Variants in CTNNA3 observed in about 807,000 individuals in gnomAD.
The protein encoded by CTNNA3 is catenin alpha 3.
CTNNA3 carries 76 observed loss-of-function variants against 95.7 expected under a neutral mutation model. The ratio of observed to expected loss-of-function variants is 0.79; its 90% CI spans 0.66 to 0.96. CTNNA3 has a LOEUF of 0.96. Among genes scored for constraint, CTNNA3 ranks in the 40% least tolerant of loss-of-function variants. The probability of loss-of-function intolerance (pLI) is 0.00; values close to 1 mark genes in which losing one functional copy is unlikely to be tolerated. For missense variants in CTNNA3, 1,191 were observed against 1,089.8 expected, an observed-to-expected ratio of 1.09 and a Z score of -1.31; for synonymous variants, 431 against 374.4, an observed-to-expected ratio of 1.15 and a Z score of -1.74.
rs765109408 is a variant in CTNNA3, at chr10:66,360,605, TTCTTTCTTTC to T, written c.1732+18537_1732+18546del. On this transcript the variant is annotated intron_variant, in intron 12 of 17. Transcript: ENST00000433211. ...TCTAATGTATTCTTTCCTTCTTTCT[TTCTTTCTTTC>T]TTTCTTTCTTTCTTTCTTTCTTTCT... 5.3e-4 allele frequency among the ~76,000 whole-genome samples: 28 copies of T among 52,868 alleles called. 1 individual carries two copies. The highest frequency in any genetic ancestry group is 0.011 in the Middle Eastern group (1 of 88). 34.7% of individuals were successfully genotyped at this position (52,868 alleles called of 152,430 possible).
intron 1 of CTNNA3, among the ~76,000 whole-genome samples, chr10:67,684,215 A>C (rs1214776198): frequency 6.6e-6 from 1 of 152,162 alleles, no homozygotes; most frequent in Non-Finnish European, 1.5e-5. Flanking sequence ...ACAAACCTTT[A>C]GCTAGACACA....
At chr10:67,742,064 T>C (rs1047095053) in intron 1 of CTNNA3, among the ~76,000 whole-genome samples, 1 of 151,006 alleles carries the variant, frequency 6.6e-6, no homozygotes, top group African/African-American at 2.4e-5. Flanking sequence ...AATGGGAGAC[T>C]TTAACACCCC....
At chr10:66,313,578 T>C (rs1428845731) in intron 12 of CTNNA3, among the ~76,000 whole-genome samples, 2 of 152,196 alleles carry the variant, frequency 1.3e-5, no homozygotes, top group East Asian at 3.9e-4. Flanking sequence ...CTAAATGTCA[T>C]CCACTCTGAG....
chr10:67,705,291 G>C (rs916526923), intron 1 of CTNNA3, among the ~76,000 whole-genome samples: 5 of 151,672 alleles, frequency 3.3e-5, no homozygotes, highest in Non-Finnish European at 7.4e-5. Context: ...TATACCCAAA[G>C]GACTATAAAT....
At chr10:66,335,463 C>A (rs934512455) in intron 12 of CTNNA3, among the ~76,000 whole-genome samples, 5 of 152,118 alleles carry the variant, frequency 3.3e-5, no homozygotes, top group African/African-American at 4.8e-5. Flanking sequence ...GGACCCTCAG[C>A]TGCAGATCTG....
chr10:67,196,398 T>TTG (rs1213609124), intron 6 of CTNNA3, among the ~76,000 whole-genome samples: 1 of 152,088 alleles, frequency 6.6e-6, no homozygotes, highest in African/African-American at 2.4e-5. Context: ...TTGCATTTTG[T>TTG]TGTGTATCAA....
intron 7 of CTNNA3, among the ~76,000 whole-genome samples, chr10:66,919,981 G>A (rs1238740010): frequency 1.3e-5 from 2 of 152,114 alleles, no homozygotes; most frequent in South Asian, 2.1e-4. Context: ...GAATATCAAT[G>A]GTGTATTCTG....
intron 13 of CTNNA3, among the ~76,000 whole-genome samples, chr10:66,108,931 T>TA (rs34799328): frequency 0.073 from 11,183 of 152,232 alleles, 515 homozygotes; most frequent in Admixed American, 0.12. Context: ...TCTTGAATTT[T>TA]AAAAAAATCC....
chr10:66,406,234 G>A (rs2093056120), intron 11 of CTNNA3, among the ~76,000 whole-genome samples: 1 of 152,108 alleles, frequency 6.6e-6, no homozygotes, highest in African/African-American at 2.4e-5. Context: ...CATTTAGAAT[G>A]GGCATGAAAC....
At position 66,073,318 on chromosome 10, in the gene CTNNA3, A is replaced by G. The variant is rs986905841; in HGVS notation, c.1978-3829T>C. On this transcript the variant is annotated intron_variant, in intron 14 of 17. Transcript: ENST00000433211. ...ACTGTGTGAGGTAATGCATGTGTTA[A>G]TTAGCCAATATAGTTCTTCTACAGT... Among the ~76,000 whole-genome samples, 5 of 152,160 alleles carry G rather than the reference A, an allele frequency of 3.3e-5. No homozygotes were observed. In the South Asian group the frequency reaches 8.3e-4, roughly 25 times the overall value.
upstream of CTNNA3, among the ~76,000 whole-genome samples, chr10:67,699,974 C>A (rs1441145432): frequency 1.3e-5 from 2 of 152,254 alleles, no homozygotes; most frequent in Admixed American, 6.5e-5. Flanking sequence ...AGATTATATC[C>A]CGCACATGCT....
At chr10:66,319,422 G>A (rs1026242366) in intron 12 of CTNNA3, among the ~76,000 whole-genome samples, 2 of 152,060 alleles carry the variant, frequency 1.3e-5, no homozygotes, top group African/African-American at 4.8e-5. Flanking sequence ...ATGCGATGTT[G>A]GTCAGTAAGA....
In CTNNA3 at chr10:67,655,545, G is replaced by C. The variant is rs112105545; in HGVS notation, c.-5-8027C>G. ...TCATGCCTGTAATCCCAGCACTTTG[G>C]GAGGCAGAGGCCAGCCTTCCACTAC... On this transcript the variant is annotated intron_variant, in intron 1 of 17. Coordinates refer to ENST00000433211, the MANE Select transcript of CTNNA3 (RefSeq NM_013266.4). Among the ~76,000 whole-genome samples the C allele has an allele frequency of 4.0e-3, 603 of 152,270 alleles. 1 individual carries two copies. The highest frequency in any genetic ancestry group is 7.4e-3 in the Admixed American group (113 of 15,286).
chr10:66,304,040 C>T (rs374149949), intron 12 of CTNNA3, among the ~76,000 whole-genome samples: 13 of 151,694 alleles, frequency 8.6e-5, no homozygotes, highest in Admixed American at 7.2e-4. Flanking sequence ...TATATACAAC[C>T]CATAGTATCC....
intron 13 of CTNNA3, among the ~76,000 whole-genome samples, chr10:66,197,902 T>C (rs1329707778): frequency 2.0e-5 from 3 of 152,042 alleles, no homozygotes; most frequent in Non-Finnish European, 4.4e-5. Flanking sequence ...TCAGAGATGA[T>C]AGGAAGAAGT....
At chr10:66,733,075 T>C (rs982067743) in intron 9 of CTNNA3, among the ~76,000 whole-genome samples, 1 of 152,088 alleles carries the variant, frequency 6.6e-6, no homozygotes, top group African/African-American at 2.4e-5. Flanking sequence ...GGATTACAAG[T>C]GTCAGCCACC....
chr10:66,221,408 G>A (rs1287386348), intron 13 of CTNNA3, among the ~76,000 whole-genome samples: 2 of 152,106 alleles, frequency 1.3e-5, no homozygotes, highest in East Asian at 3.9e-4. Context: ...AGCCAGTTAC[G>A]GTAACTCAGA....
chr10:66,158,782 T>C (rs538687004), intron 13 of CTNNA3, among the ~76,000 whole-genome samples: 1 of 152,282 alleles, frequency 6.6e-6, no homozygotes, highest in African/African-American at 2.4e-5. Flanking sequence ...TTCATGAGCA[T>C]AGGACATGTT....
chr10:66,922,571 C>T (rs2132605458), intron 7 of CTNNA3, among the ~76,000 whole-genome samples: 1 of 152,264 alleles, frequency 6.6e-6, no homozygotes, highest in East Asian at 1.9e-4. Flanking sequence ...CCAGATCAGA[C>T]CTGGTTGTGA....
Sources: gnomAD v4.1 joint callset for allele counts (sites outside exome capture counted in the v4.1 genomes callset) on GRCh38, gnomAD v4.1.1 for gene constraint, MANE v1.5 for transcripts, NCBI Gene and HGNC (gene_info 2026-07-23, HGNC 2026-07-21) for gene names.